The following TMPRSS15 variants were observed in gnomAD, a reference collection of about 807,000 sequenced individuals.
TMPRSS15 encodes the protein enteropeptidase.
TMPRSS15 carries 128 observed loss-of-function variants against 125.3 expected under a neutral mutation model. That is an observed-to-expected ratio of 1.02 (90% confidence interval 0.89 to 1.18). The LOEUF (loss-of-function observed/expected upper bound fraction) is 1.18. TMPRSS15 is among the 50% of genes most tolerant of loss of function. TMPRSS15 has a pLI of 0.00. For synonymous variants in TMPRSS15, 446 were observed against 423.2 expected (o/e 1.05, Z -0.66); for missense variants, 1,283 against 1,212.7 (o/e 1.06, Z -0.86).
intron 8 of TMPRSS15, among the ~76,000 whole-genome samples, chr21:18,357,641 AG>A (rs1426570995): frequency 6.6e-6 from 1 of 151,868 alleles, no homozygotes; most frequent in East Asian, 1.9e-4. Context: ...TAAAACATTT[AG>A]GGAAAGATGA....
At chr21:18,433,208 A>G (rs2076220011) in intron 1 of TMPRSS15, among the ~76,000 whole-genome samples, 1 of 152,120 alleles carries the variant, frequency 6.6e-6, no homozygotes, top group Non-Finnish European at 1.5e-5. Context: ...AGTATTTAAA[A>G]CATTTTAGTG....
chr21:18,279,312 T>C (rs1043481288), intron 22 of TMPRSS15, among the ~76,000 whole-genome samples: 1 of 33,710 alleles, frequency 3.0e-5, no homozygotes, highest in African/African-American at 2.6e-4. Flanking sequence ...CTCGTTACTC[T>C]TTTTTTTTTT....
At chr21:18,399,016 T>A (rs960933706) in intron 1 of TMPRSS15, among the ~76,000 whole-genome samples, 2 of 152,140 alleles carry the variant, frequency 1.3e-5, no homozygotes, top group African/African-American at 4.8e-5. Context: ...TAATAAAATG[T>A]GTCATTAAGT....
chr21:18,319,082 GA>G (rs1265116072), intron 16 of TMPRSS15, among the ~76,000 whole-genome samples: 2 of 151,724 alleles, frequency 1.3e-5, no homozygotes, highest in Non-Finnish European at 2.9e-5. Flanking sequence ...CTAGTGATTT[GA>G]AAAAAAGAAA....
rs184364877 is a variant in TMPRSS15 at position 18,391,898 on chromosome 21, G to A, written c.344+5981C>T. 2.7e-3 allele frequency among the ~76,000 whole-genome samples: 412 copies of A among 152,296 alleles called. 1 individual carries two copies. Among genetic ancestry groups the A allele is most frequent in the Admixed American group, 4.6e-3 (71 of 15,302 alleles). On this transcript the variant is annotated intron_variant, in intron 3 of 24. Coordinates refer to ENST00000284885, the MANE Select transcript of TMPRSS15 (RefSeq NM_002772.3). Reference sequence around the variant, plus strand: ...TAATTCTTGACTTCTGTGTACCTGCGGGCCCACGTGGAAGTTGCCAAAGTG... The same window carrying A: ...TAATTCTTGACTTCTGTGTACCTGCAGGCCCACGTGGAAGTTGCCAAAGTG...
chr21:18,316,671 G>A (rs1044518818), intron 16 of TMPRSS15, among the ~76,000 whole-genome samples: 7 of 151,654 alleles, frequency 4.6e-5, no homozygotes, highest in African/African-American at 1.7e-4. Context: ...GGAGGCCGTT[G>A]GTGGTGGTTT....
At chr21:18,462,855 A>G (rs1326368885) in intron 1 of TMPRSS15, among the ~76,000 whole-genome samples, 1 of 152,110 alleles carries the variant, frequency 6.6e-6, no homozygotes, top group African/African-American at 2.4e-5. Context: ...CTAACAATGG[A>G]TCTCTCAGCA....
chr21:18,348,475 C>A (rs565656238), intron 10 of TMPRSS15, among the ~76,000 whole-genome samples: 1 of 152,206 alleles, frequency 6.6e-6, no homozygotes, highest in South Asian at 2.1e-4. Flanking sequence ...CAAATTGTTT[C>A]ATGATTTGTA....
chr21:18,356,088 T>A (rs1009934202), intron 8 of TMPRSS15, among the ~76,000 whole-genome samples: 4 of 151,876 alleles, frequency 2.6e-5, no homozygotes, highest in Admixed American at 6.6e-5. Flanking sequence ...AATCCAAAAC[T>A]TTTATGGATG....
At chr21:18,303,437 G>A (rs2074994714) in intron 18 of TMPRSS15, among the ~76,000 whole-genome samples, 1 of 152,064 alleles carries the variant, frequency 6.6e-6, no homozygotes, top group East Asian at 1.9e-4. Flanking sequence ...GGATTTTATC[G>A]ATTTTATTCA....
intron 1 of TMPRSS15, among the ~76,000 whole-genome samples, chr21:18,441,347 C>T (rs527648439): frequency 6.6e-6 from 1 of 151,968 alleles, no homozygotes; most frequent in East Asian, 1.9e-4. Flanking sequence ...TGGCTCACAC[C>T]TGTAATCCCA....
chr21:18,403,731 C>T lies in TMPRSS15; in HGVS notation c.-109G>A, dbSNP rs2076119299. Reference sequence around the variant, plus strand: ...TTTTAAAGATGTGTAAAGCAACAACCACCTGTCTACATGCATACCAGTCAG... The same window carrying T: ...TTTTAAAGATGTGTAAAGCAACAACTACCTGTCTACATGCATACCAGTCAG... On this transcript the variant is annotated 5_prime_UTR_variant, in exon 1 of 25. An upstream open reading frame in the 5' UTR gains an earlier in-frame stop. Coordinates refer to ENST00000284885, the MANE Select transcript of TMPRSS15 (RefSeq NM_002772.3). 11 of 1,372,662 alleles carry T rather than the reference C, an allele frequency of 8.0e-6. No individual in the cohort carries two copies. The highest frequency in any genetic ancestry group is 1.1e-5 in the Non-Finnish European group (11 of 983,490). The allele number at this position is 1,372,662 out of a possible 1,614,324, so 85.0% of individuals were successfully genotyped here. A position where few individuals can be genotyped will look rare whatever the true frequency, so the allele number is the denominator to read the frequency against.
intron 21 of TMPRSS15, among the ~76,000 whole-genome samples, chr21:18,290,040 G>A (rs2074814968): frequency 1.3e-5 from 2 of 152,354 alleles, no homozygotes; most frequent in South Asian, 4.1e-4. Flanking sequence ...GCAGTAGTAT[G>A]AGTCAGCAAT....
At chr21:18,343,762 C>T in intron 11 of TMPRSS15, 106 bp from the exon 12 acceptor site, 2 of 1,403,016 alleles carry the variant, frequency 1.4e-6, no homozygotes, top group Non-Finnish European at 2.0e-6. Context: ...TCTTTTTTTC[C>T]TTCTGGGTTT....
chr21:18,315,270 A>G lies in TMPRSS15; in HGVS notation c.1922-14T>C, dbSNP rs2075150798. On this transcript the variant is annotated splice_polypyrimidine_tract_variant and intron_variant, in intron 16 of 24. Coordinates refer to ENST00000284885, the MANE Select transcript of TMPRSS15 (RefSeq NM_002772.3). ...CCTTGCATGGCTCTATGGGGAAAGA[A>G]TGTTTATTGTATAGGATAAAGAAAA... 2 of 1,593,074 alleles carry G rather than the reference A, an allele frequency of 1.3e-6. No homozygotes were observed. The highest frequency in any genetic ancestry group is 1.7e-6 in the Non-Finnish European group (2 of 1,162,432).
chr21:18,382,495 T>C (rs1449454339), intron 4 of TMPRSS15, among the ~76,000 whole-genome samples: 2 of 150,532 alleles, frequency 1.3e-5, no homozygotes, highest in South Asian at 4.2e-4. Context: ...GAGAAGCAAC[T>C]AGAGATCTAC....
intron 21 of TMPRSS15, among the ~76,000 whole-genome samples, chr21:18,291,778 C>A (rs772391410): frequency 9.2e-5 from 14 of 152,098 alleles, no homozygotes; most frequent in Non-Finnish European, 1.6e-4. Context: ...CCATTGAATG[C>A]CTAAGGAGAG....
intron 1 of TMPRSS15, among the ~76,000 whole-genome samples, chr21:18,483,138 A>C (rs1018529286): frequency 2.0e-5 from 3 of 151,830 alleles, no homozygotes; most frequent in Non-Finnish European, 2.9e-5. Flanking sequence ...TACATTCCCT[A>C]TCATTTTACT....
chr21:18,484,177 G>A (rs575347423), intron 1 of TMPRSS15, among the ~76,000 whole-genome samples: 5 of 151,790 alleles, frequency 3.3e-5, no homozygotes, highest in South Asian at 2.1e-4. Flanking sequence ...CTAGGAAATC[G>A]TTTCCTAAAA....
Sources: allele counts gnomAD v4.1 joint callset (sites outside exome capture counted in the v4.1 genomes callset), GRCh38; gene constraint gnomAD v4.1.1; transcripts MANE v1.5; gene names NCBI Gene and HGNC (gene_info 2026-07-23, HGNC 2026-07-21).